Variants in GRM8 observed in about 807,000 individuals in gnomAD.
GRM8 encodes the protein metabotropic glutamate receptor 8.
In GRM8, 47 loss-of-function variants were observed where a neutral mutation model predicts 87.2. The observed-to-expected ratio is 0.54, with a 90% CI of 0.43 to 0.69. GRM8 has a LOEUF of 0.69. Among genes scored for constraint, GRM8 ranks in the 30% least tolerant of loss-of-function variants. GRM8 has a pLI of 0.00. For missense variants in GRM8, 1,019 were observed against 1,139.2 expected (o/e 0.89, Z 1.52); for synonymous variants, 396 against 404.5 (o/e 0.98, Z 0.25).
At chr7:127,089,560 G>T (rs10239617) in intron 3 of GRM8, among the ~76,000 whole-genome samples, 3,552 of 152,286 alleles carry the variant, frequency 0.023, 122 homozygotes, top group African/African-American at 0.079. Flanking sequence ...GCAGAGCCCA[G>T]AGCTGGAGCA....
intron 7 of GRM8, among the ~76,000 whole-genome samples, chr7:126,674,645 C>A (rs958923582): frequency 6.6e-6 from 1 of 151,752 alleles, no homozygotes; most frequent in Admixed American, 6.6e-5. Context: ...GAAAAAAGTA[C>A]AATTGGCCTT....
At chr7:126,613,952 G>T (rs1799183880) in intron 7 of GRM8, among the ~76,000 whole-genome samples, 1 of 152,178 alleles carries the variant, frequency 6.6e-6, no homozygotes, top group Admixed American at 6.5e-5. Flanking sequence ...CACCTCTGGG[G>T]GCAGGGCATA....
chr7:126,620,816 C>A (rs1398222916), intron 7 of GRM8, among the ~76,000 whole-genome samples: 1 of 152,170 alleles, frequency 6.6e-6, no homozygotes, highest in Admixed American at 6.5e-5. Flanking sequence ...CTTGTTTACA[C>A]CATGCAAAAC....
intron 2 of GRM8, among the ~76,000 whole-genome samples, chr7:127,180,790 G>A (rs1794390836): frequency 6.6e-6 from 1 of 151,984 alleles, no homozygotes; most frequent in African/African-American, 2.4e-5. Flanking sequence ...ACAAAATCCA[G>A]CATTGCTTTA....
intron 3 of GRM8, among the ~76,000 whole-genome samples, chr7:127,106,008 A>G (rs1441886266): frequency 6.6e-6 from 1 of 152,234 alleles, no homozygotes; most frequent in Admixed American, 6.5e-5. Context: ...TAAAAACGCA[A>G]AAAGTCAAAT....
At chr7:126,725,544 A>C (rs1315430043) in intron 7 of GRM8, among the ~76,000 whole-genome samples, 2 of 152,222 alleles carry the variant, frequency 1.3e-5, no homozygotes, top group African/African-American at 4.8e-5. Flanking sequence ...GAAACAAGGA[A>C]TGACCTAGAA....
intron 7 of GRM8, among the ~76,000 whole-genome samples, chr7:126,697,461 C>A (rs1478756394): frequency 6.6e-6 from 1 of 152,024 alleles, no homozygotes; most frequent in East Asian, 1.9e-4. Context: ...TGTGCTTGAC[C>A]TTAGTATATT....
At chr7:126,462,528 G>A (rs1328138848) in intron 9 of GRM8, among the ~76,000 whole-genome samples, 1 of 151,460 alleles carries the variant, frequency 6.6e-6, no homozygotes, top group Non-Finnish European at 1.5e-5. Flanking sequence ...TATCTCAAAT[G>A]CCACCAGTCA....
At chr7:126,735,665 G>T (rs185600720) in intron 7 of GRM8, among the ~76,000 whole-genome samples, 6 of 152,088 alleles carry the variant, frequency 3.9e-5, no homozygotes, top group Admixed American at 3.9e-4. Flanking sequence ...TATTTTTTCA[G>T]AATGAAAAGC....
In GRM8 at chr7:126,535,199, G is replaced by A. The variant is rs997702695; in HGVS notation, c.1495-1312C>T. Among the ~76,000 whole-genome samples, 4 of 152,184 alleles carry A rather than the reference G, an allele frequency of 2.6e-5. No individual in the cohort carries two copies. In the South Asian group the frequency reaches 6.2e-4, roughly 24 times the overall value. ...GAAAATTGATGTACTCCTGTGGCCC[G>A]CTGCCACTTTGAATAGGGCTAGTCT... is the stretch of plus-strand genomic sequence containing the variant. On this transcript the variant is annotated intron_variant, in intron 8 of 10. Transcript: ENST00000339582.
At chr7:126,968,979 C>A (rs969398286) in intron 3 of GRM8, among the ~76,000 whole-genome samples, 4 of 152,256 alleles carry the variant, frequency 2.6e-5, no homozygotes. Context: ...GTCATGTGAA[C>A]TTTTTTATTT....
intron 7 of GRM8, among the ~76,000 whole-genome samples, chr7:126,659,283 C>CAGGGGGA (rs1804890135): frequency 6.6e-6 from 1 of 152,094 alleles, no homozygotes; most frequent in South Asian, 2.1e-4. Context: ...TTACAAGTGG[C>CAGGGGGA]AGGGGGAACC....
chr7:127,149,594 G>T (rs532056255), intron 2 of GRM8, among the ~76,000 whole-genome samples: 70 of 152,196 alleles, frequency 4.6e-4, no homozygotes, highest in African/African-American at 1.7e-3. Context: ...TCACCACTTT[G>T]TAAAGACATC....
chr7:126,663,170 A>C (rs1004770935), intron 7 of GRM8, among the ~76,000 whole-genome samples: 1 of 152,240 alleles, frequency 6.6e-6, no homozygotes, highest in Admixed American at 6.5e-5. Flanking sequence ...AACAAACAAA[A>C]GCCCTACGGC....
At chr7:126,832,530 T>G (rs1455819674) in intron 6 of GRM8, among the ~76,000 whole-genome samples, 1 of 152,216 alleles carries the variant, frequency 6.6e-6, no homozygotes, top group Non-Finnish European at 1.5e-5. Flanking sequence ...CTTTTTTCTA[T>G]ACTACAATTA....
intron 6 of GRM8, among the ~76,000 whole-genome samples, chr7:126,867,097 A>C: frequency 6.6e-6 from 1 of 152,170 alleles, no homozygotes; most frequent in East Asian, 1.9e-4. Flanking sequence ...GAATTATAAA[A>C]TCTTAGTTCA....
intron 3 of GRM8, among the ~76,000 whole-genome samples, chr7:126,969,343 T>G (rs1028454491): frequency 1.3e-5 from 2 of 152,202 alleles, no homozygotes; most frequent in Non-Finnish European, 2.9e-5. Flanking sequence ...AAAAGTTCTT[T>G]CAAAATTGGA....
At chr7:126,649,546 A>C (rs1585366901) in intron 7 of GRM8, among the ~76,000 whole-genome samples, 1 of 152,098 alleles carries the variant, frequency 6.6e-6, no homozygotes, top group Non-Finnish European at 1.5e-5. Flanking sequence ...TTTTATATAT[A>C]TATCTATCCT....
At chr7:126,739,815 A>G (rs551851851) in intron 7 of GRM8, among the ~76,000 whole-genome samples, 38 of 152,208 alleles carry the variant, frequency 2.5e-4, no homozygotes, top group African/African-American at 9.1e-4. Flanking sequence ...TTCTATGTTT[A>G]GATAGGTTTG....
Sources: gnomAD v4.1 joint callset for allele counts (sites outside exome capture counted in the v4.1 genomes callset) on GRCh38, gnomAD v4.1.1 for gene constraint, MANE v1.5 for transcripts, NCBI Gene and HGNC (gene_info 2026-07-23, HGNC 2026-07-21) for gene names.